The following RHBDD1 variants were observed in gnomAD, a reference collection of about 807,000 sequenced individuals.
RHBDD1 encodes rhomboid domain containing 1.
A neutral mutation model predicts 36.3 loss-of-function variants in RHBDD1; 38 were observed. The observed-to-expected ratio is 1.05, with a 90% CI of 0.81 to 1.37. RHBDD1 has a LOEUF of 1.37. Ranked by LOEUF, RHBDD1 falls within the 40% of genes most tolerant of loss-of-function variation. The pLI, the probability that RHBDD1 is intolerant of heterozygous loss-of-function variation, is 0.00. For synonymous variants in RHBDD1, 151 were observed against 136.5 expected, an observed-to-expected ratio of 1.11 and a Z score of -0.74; for missense variants, 393 against 377.6, an observed-to-expected ratio of 1.04 and a Z score of -0.34.
intron 8 of RHBDD1, 25 bp downstream of exon 8, chr2:226,914,376 AT>A: frequency 6.2e-7 from 1 of 1,603,102 alleles, no homozygotes; most frequent in Non-Finnish European, 8.5e-7. Flanking sequence ...CCCTTCAGTT[AT>A]TTTAAAGCAT....
Position 226,946,222 on chromosome 2 carries a change from C to T in RHBDD1, c.856+31871C>T, listed in dbSNP as rs576554061. On this transcript the variant is annotated intron_variant, in intron 8 of 8. Coordinates refer to ENST00000392062, the MANE Select transcript of RHBDD1 (RefSeq NM_001167608.3). ...GGTGTTTTAGTCATGAAGTCTTTGC[C>T]CATGCCTATGTTCTGAATGGTATTG... is the stretch of plus-strand genomic sequence containing the variant. Among the ~76,000 whole-genome samples the T allele has an allele frequency of 8.9e-4, 136 of 152,116 alleles. 4 individuals are homozygous for T. In the South Asian group the frequency reaches 0.027, roughly 30 times the overall value.
chr2:226,986,574 GA>G (rs1159818673), intron 8 of RHBDD1, among the ~76,000 whole-genome samples: 1 of 152,148 alleles, frequency 6.6e-6, no homozygotes, highest in Non-Finnish European at 1.5e-5. Context: ...AGAAGCATAT[GA>G]AAAAAAGCTC....
chr2:226,969,821 A>T (rs1436356031), intron 8 of RHBDD1, among the ~76,000 whole-genome samples: 1 of 152,122 alleles, frequency 6.6e-6, no homozygotes, highest in Admixed American at 6.5e-5. Context: ...CATTCTTCAT[A>T]ATGCTAAATT....
chr2:226,910,663 A>G (rs967196818), intron 7 of RHBDD1, among the ~76,000 whole-genome samples: 3 of 151,910 alleles, frequency 2.0e-5, no homozygotes, highest in Non-Finnish European at 4.4e-5. Flanking sequence ...GCCTAAGTAT[A>G]TAACTAAAAA....
At chr2:226,848,705 T>A in intron 3 of RHBDD1, among the ~76,000 whole-genome samples, 1 of 152,152 alleles carries the variant, frequency 6.6e-6, no homozygotes, top group Non-Finnish European at 1.5e-5. Flanking sequence ...GTAAATTTGG[T>A]GGGACTCTGA....
intron 3 of RHBDD1, among the ~76,000 whole-genome samples, chr2:226,842,081 T>C (rs2124980499): frequency 6.6e-6 from 1 of 152,340 alleles, no homozygotes; most frequent in African/African-American, 2.4e-5. Flanking sequence ...GTTTCATGGC[T>C]GCATGTATGT....
chr2:226,863,195 C>A (rs1032865673), intron 3 of RHBDD1, among the ~76,000 whole-genome samples: 1 of 152,058 alleles, frequency 6.6e-6, no homozygotes, highest in African/African-American at 2.4e-5. Context: ...TAAAAATAGC[C>A]AGGCATGGTG....
chr2:226,904,438 C>T (rs923238724), intron 5 of RHBDD1, among the ~76,000 whole-genome samples: 2 of 139,606 alleles, frequency 1.4e-5, no homozygotes, highest in African/African-American at 2.7e-5. Flanking sequence ...GGTCAGGGAA[C>T]TCCTGTTTCA....
Position 226,918,327 on chromosome 2 carries a change from A to C in RHBDD1, c.856+3976A>C, listed in dbSNP as rs145027299. Among the ~76,000 whole-genome samples, 733 of 152,140 alleles carry C rather than the reference A, an allele frequency of 4.8e-3. 5 individuals are homozygous for C. The highest frequency in any genetic ancestry group is 0.042 in the South Asian group (202 of 4,828). ...TTTGTCCTTTCTTTGTGTTACAAAC[A>C]ATCCAGTTCTACTCTTTTAGTTATT... On this transcript the variant is annotated intron_variant, in intron 8 of 8. Coordinates refer to ENST00000392062, the MANE Select transcript of RHBDD1 (RefSeq NM_001167608.3).
At chr2:226,801,138 C>T in the RHBDD1 span, among the ~76,000 whole-genome samples, 3 of 152,204 alleles carry the variant, frequency 2.0e-5, no homozygotes, top group African/African-American at 7.2e-5. Context: ...CTCAGGCTCC[C>T]AGGCACTGCA....
At chr2:226,847,673 G>A (rs62191014) in intron 3 of RHBDD1, among the ~76,000 whole-genome samples, 4,292 of 152,248 alleles carry the variant, frequency 0.028, 95 homozygotes, top group Non-Finnish European at 0.044. Context: ...TGATTCTTTG[G>A]GTGAGACCTA....
At chr2:226,921,871 A>C (rs1672828786) in intron 8 of RHBDD1, among the ~76,000 whole-genome samples, 1 of 152,140 alleles carries the variant, frequency 6.6e-6, no homozygotes. Context: ...AGTGCAGATT[A>C]AGTGTTATGT....
At chr2:226,983,448 C>T (rs531209740) in intron 8 of RHBDD1, among the ~76,000 whole-genome samples, 1 of 152,270 alleles carries the variant, frequency 6.6e-6, no homozygotes, top group East Asian at 1.9e-4. Context: ...TAGGGGCCAG[C>T]CACCTCAATC....
chr2:226,958,260 G>A (rs1386711071), intron 8 of RHBDD1, among the ~76,000 whole-genome samples: 2 of 152,220 alleles, frequency 1.3e-5, no homozygotes, highest in African/African-American at 4.8e-5. Context: ...AGTATGCTAA[G>A]TGAAAGGAGC....
chr2:226,949,745 G>A (rs1157866266), intron 8 of RHBDD1, among the ~76,000 whole-genome samples: 4 of 152,080 alleles, frequency 2.6e-5, no homozygotes, highest in African/African-American at 7.2e-5. Flanking sequence ...TCAAGGTGCC[G>A]ACAGGTTTGG....
At chr2:226,860,316 G>A (rs1368907677) in intron 3 of RHBDD1, among the ~76,000 whole-genome samples, 1 of 152,176 alleles carries the variant, frequency 6.6e-6, no homozygotes, top group Non-Finnish European at 1.5e-5. Context: ...CTGGATACAA[G>A]TTAGAATAAT....
chr2:226,850,002 G>A (rs1426887030), intron 3 of RHBDD1, among the ~76,000 whole-genome samples: 1 of 152,154 alleles, frequency 6.6e-6, no homozygotes, highest in Non-Finnish European at 1.5e-5. Flanking sequence ...ACTTCCACAG[G>A]GACCCTTGTC....
chr2:226,953,945 CAT>C (rs890827094), intron 8 of RHBDD1, among the ~76,000 whole-genome samples: 1 of 152,172 alleles, frequency 6.6e-6, no homozygotes, highest in African/African-American at 2.4e-5. Flanking sequence ...GCTGCTCTCA[CAT>C]GTGGGAAGAG....
intron 8 of RHBDD1, among the ~76,000 whole-genome samples, chr2:226,930,513 C>G (rs182650937): frequency 1.3e-5 from 2 of 151,996 alleles, no homozygotes; most frequent in East Asian, 3.9e-4. Context: ...AGACTTAAAT[C>G]TTAAGACCTG....
Sources: allele counts gnomAD v4.1 joint callset (sites outside exome capture counted in the v4.1 genomes callset), GRCh38; gene constraint gnomAD v4.1.1; transcripts MANE v1.5; gene names NCBI Gene and HGNC (gene_info 2026-07-23, HGNC 2026-07-21).